The following TNNI3K variants were observed in gnomAD, a reference collection of about 807,000 sequenced individuals.
TNNI3K encodes TNNI3 interacting kinase, also known as serine/threonine-protein kinase TNNI3K.
A neutral mutation model predicts 114.5 loss-of-function variants in TNNI3K; 140 were observed. The ratio of observed to expected loss-of-function variants is 1.22; its 90% CI spans 1.07 to 1.41. TNNI3K has a LOEUF of 1.41. Among genes scored for constraint, TNNI3K ranks in the 40% most tolerant of loss-of-function variants. The probability of loss-of-function intolerance (pLI) is 0.00; values close to 1 mark genes in which losing one functional copy is unlikely to be tolerated. For synonymous variants in TNNI3K, 347 were observed against 347.5 expected (o/e 1.00, Z 0.02); for missense variants, 1,125 against 1,007.6 (o/e 1.12, Z -1.58).
chr1:74,516,665 C>T (rs529832701), intron 23 of TNNI3K, among the ~76,000 whole-genome samples: 45 of 152,210 alleles, frequency 3.0e-4, no homozygotes, highest in African/African-American at 9.9e-4. Context: ...TGGTCAGCCA[C>T]GTTTAAAAAG....
At chr1:74,384,852 G>T (rs1302619369) in intron 17 of TNNI3K, among the ~76,000 whole-genome samples, 1 of 151,952 alleles carries the variant, frequency 6.6e-6, no homozygotes, top group Non-Finnish European at 1.5e-5. Context: ...GTGATTATTG[G>T]TTGCCTTAAT....
At chr1:74,253,285 C>CCCGCACAGGGG (rs1655060414) in intron 4 of TNNI3K, among the ~76,000 whole-genome samples, 1 of 152,204 alleles carries the variant, frequency 6.6e-6, no homozygotes, top group South Asian at 2.1e-4. Flanking sequence ...CCCAGTGGAT[C>CCCGCACAGGGG]CCGCACAGGG....
rs115255976 is a variant in TNNI3K at position 74,285,919 on chromosome 1, A to G, written c.444+14211A>G. ...TCACAGCCTTAAAAAAATGATGACA[A>G]TTAAGTGATGTCAGCAGTATGGCAG... On this transcript the variant is annotated intron_variant, in intron 5 of 24. Transcript: ENST00000326637. 5.8e-3 allele frequency among the ~76,000 whole-genome samples: 882 copies of G among 152,330 alleles called. 3 individuals carry two copies. Among genetic ancestry groups the G allele is most frequent in the Middle Eastern group, 0.01 (3 of 294 alleles).
chr1:74,385,105 C>T (rs1305042700), intron 17 of TNNI3K, among the ~76,000 whole-genome samples: 1 of 152,104 alleles, frequency 6.6e-6, no homozygotes, highest in Admixed American at 6.6e-5. Context: ...TGCCTACATT[C>T]CACTTATGCC....
chr1:74,454,457 G>T (rs920362353), intron 20 of TNNI3K, among the ~76,000 whole-genome samples: 2 of 152,092 alleles, frequency 1.3e-5, no homozygotes, highest in Non-Finnish European at 2.9e-5. Context: ...ACATATGAGC[G>T]AGAACATGTG....
intron 20 of TNNI3K, among the ~76,000 whole-genome samples, chr1:74,441,805 A>G (rs1206560190): frequency 6.6e-6 from 1 of 152,070 alleles, no homozygotes; most frequent in East Asian, 1.9e-4. Flanking sequence ...TGTTTGTTTA[A>G]ATAGTCTCAT....
intron 5 of TNNI3K, among the ~76,000 whole-genome samples, chr1:74,293,266 C>T (rs1272294280): frequency 6.6e-6 from 1 of 151,504 alleles, no homozygotes; most frequent in African/African-American, 2.4e-5. Flanking sequence ...ATATTAAGTG[C>T]CTGTATATGT....
At chr1:74,454,579 T>G (rs1309681386) in intron 20 of TNNI3K, among the ~76,000 whole-genome samples, 1 of 152,200 alleles carries the variant, frequency 6.6e-6, no homozygotes, top group Non-Finnish European at 1.5e-5. Context: ...ATAATATTCC[T>G]TGTGAATATG....
intron 7 of TNNI3K, among the ~76,000 whole-genome samples, chr1:74,338,724 A>C (rs1660606479): frequency 6.6e-6 from 1 of 152,164 alleles, no homozygotes; most frequent in Non-Finnish European, 1.5e-5. Flanking sequence ...CCGTGGCAAG[A>C]GACTAAGGTA....
chr1:74,370,663 C>T (rs1488279222), intron 17 of TNNI3K: 2 of 249,532 alleles, frequency 8.0e-6, no homozygotes, highest in Non-Finnish European at 1.5e-5. Context: ...AACTAGTTCC[C>T]AGGTCAGTAA....
Position 74,368,948 on chromosome 1 carries a change from A to G in TNNI3K, c.1322-74A>G, listed in dbSNP as rs45458501. ...GGAAATTATGTTTTTAGTTAAATAT[A>G]TATATGCACATGTATACACATCCAT... On this transcript the variant is annotated intron_variant, in intron 13 of 24. Coordinates refer to ENST00000326637, the MANE Select transcript of TNNI3K (RefSeq NM_015978.3). 1,086 of 1,161,762 alleles carry G rather than the reference A, an allele frequency of 9.3e-4. 15 individuals are homozygous for G. In the African/African-American group the frequency reaches 0.015, roughly 16 times the overall value. The allele number at this position is 1,161,762 out of a possible 1,614,324, so 72.0% of individuals were successfully genotyped here. A position where few individuals can be genotyped will look rare whatever the true frequency, so the allele number is the denominator to read the frequency against.
At chr1:74,307,442 A>T (rs1234222720) in intron 5 of TNNI3K, among the ~76,000 whole-genome samples, 1 of 152,152 alleles carries the variant, frequency 6.6e-6, no homozygotes, top group Non-Finnish European at 1.5e-5. Flanking sequence ...ATGGAGAAAG[A>T]TCTGTCAAGC....
chr1:74,472,686 C>T (rs1473966263), intron 21 of TNNI3K, among the ~76,000 whole-genome samples: 2 of 152,014 alleles, frequency 1.3e-5, no homozygotes, highest in African/African-American at 4.8e-5. Flanking sequence ...ATACTATTGA[C>T]TCAATGAAAG....
rs41289180 is a variant in TNNI3K at position 74,235,423 on chromosome 1, C to A, written c.-29C>A. ...TGGAATCTTATAACTTGAAGAACTG[C>A]CCTGGAGAAAGGAAGAAACTTATAA... On this transcript the variant is annotated 5_prime_UTR_variant, in exon 1 of 25. Coordinates refer to ENST00000326637, the MANE Select transcript of TNNI3K (RefSeq NM_015978.3). 6.7e-7 allele frequency: 1 copy of A among 1,484,402 alleles called. No individual in the cohort carries two copies. Among genetic ancestry groups the A allele is most frequent in the Non-Finnish European group, 9.2e-7 (1 of 1,084,020 alleles). The allele number at this position is 1,484,402 out of a possible 1,614,324, so 92.0% of individuals were successfully genotyped here. A position where few individuals can be genotyped will look rare whatever the true frequency, so the allele number is the denominator to read the frequency against.
intron 4 of TNNI3K, among the ~76,000 whole-genome samples, chr1:74,255,706 A>C (rs1220197344): frequency 6.6e-6 from 1 of 152,234 alleles, no homozygotes; most frequent in Non-Finnish European, 1.5e-5. Context: ...AAATGTATGT[A>C]ATCATGTAAC....
chr1:74,421,901 A>G (rs1665412895), intron 17 of TNNI3K, among the ~76,000 whole-genome samples: 1 of 151,714 alleles, frequency 6.6e-6, no homozygotes, highest in Admixed American at 6.6e-5. Context: ...AATTTGAAAA[A>G]CCAAGAGTCA....
intron 4 of TNNI3K, among the ~76,000 whole-genome samples, chr1:74,267,175 A>C (rs536237254): frequency 6.6e-6 from 1 of 151,998 alleles, no homozygotes; most frequent in Non-Finnish European, 1.5e-5. Flanking sequence ...TTTCTTATAT[A>C]TGGTAAACTG....
Position 74,369,278 on chromosome 1 carries a change from T to C in TNNI3K, c.1472+14T>C. On this transcript the variant is annotated intron_variant, in intron 15 of 24. Transcript: ENST00000326637. ...GGCTATAAAACGGTAAGCAAGCAAA[T>C]GAAAAAATTTAACATCCAGGTGGAA... 2 of 1,611,420 alleles carry C rather than the reference T, an allele frequency of 1.2e-6. No homozygotes were observed. The highest frequency in any genetic ancestry group is 1.7e-6 in the Non-Finnish European group (2 of 1,178,858).
chr1:74,421,699 C>T (rs1261533032), intron 17 of TNNI3K, among the ~76,000 whole-genome samples: 1 of 152,034 alleles, frequency 6.6e-6, no homozygotes, highest in Non-Finnish European at 1.5e-5. Context: ...GATAAGAGGA[C>T]TGACATCACC....
Sources: gnomAD v4.1 joint callset for allele counts (sites outside exome capture counted in the v4.1 genomes callset) on GRCh38, gnomAD v4.1.1 for gene constraint, MANE v1.5 for transcripts, NCBI Gene and HGNC (gene_info 2026-07-23, HGNC 2026-07-21) for gene names.